The following TENM4 variants were observed in gnomAD, a reference collection of about 807,000 sequenced individuals.
TENM4 encodes the protein teneurin transmembrane protein 4.
A neutral mutation model predicts 243.3 loss-of-function variants in TENM4; 82 were observed. That is an observed-to-expected ratio of 0.34 (90% CI 0.28 to 0.40). The LOEUF is 0.40. Among genes scored for constraint, TENM4 ranks in the 10% least tolerant of loss-of-function variants. The pLI, the probability that TENM4 is intolerant of heterozygous loss-of-function variation, is 1.00. For missense variants in TENM4, 3,138 were observed against 3,673.3 expected (o/e 0.85, Z 3.77); for synonymous variants, 1,412 against 1,456.3 (o/e 0.97, Z 0.69).
chr11:78,725,967 A>T, intron 23 of TENM4, 112 bp downstream of exon 23: 1 of 1,413,512 alleles, frequency 7.1e-7, no homozygotes, highest in Non-Finnish European at 9.7e-7. Context: ...CTCTCTGACC[A>T]CATAGGAGCC....
At chr11:79,312,819 G>C (rs1856744010) in intron 1 of TENM4, among the ~76,000 whole-genome samples, 1 of 152,152 alleles carries the variant, frequency 6.6e-6, no homozygotes. Context: ...CCTGCCACTA[G>C]CATATTCTGA....
At chr11:79,249,122 G>A (rs1020400134) in intron 2 of TENM4, among the ~76,000 whole-genome samples, 2 of 152,134 alleles carry the variant, frequency 1.3e-5, no homozygotes, top group Non-Finnish European at 2.9e-5. Flanking sequence ...ATTTGTTTGA[G>A]TGCTTACAAT....
At chr11:78,852,149 G>A (rs910150128) in intron 12 of TENM4, among the ~76,000 whole-genome samples, 3 of 152,182 alleles carry the variant, frequency 2.0e-5, no homozygotes, top group African/African-American at 4.8e-5. Flanking sequence ...GGAGTCCAGC[G>A]GCTCAGACAG....
intron 2 of TENM4, among the ~76,000 whole-genome samples, chr11:79,280,093 T>C (rs1023403431): frequency 2.0e-5 from 3 of 152,370 alleles, no homozygotes; most frequent in Admixed American, 2.0e-4. Context: ...CAAACCTGTT[T>C]CATCTTGATC....
intron 6 of TENM4, among the ~76,000 whole-genome samples, chr11:78,930,802 T>C (rs1856650613): frequency 6.6e-6 from 1 of 152,206 alleles, no homozygotes; most frequent in African/African-American, 2.4e-5. Flanking sequence ...ATAAGAGCCC[T>C]TTCTTCTGAC....
chr11:79,069,901 C>T lies in TENM4; in HGVS notation c.44G>A (p.Arg15His), dbSNP rs765061654. ...GGTGTAGCGGCGCTCGGCGTCGCGG[C>T]GCCGGGTCAGCGAGCGGTAAGGCTT... The part of the protein sequence containing the change: ...ERKPYRSLTR[R>H]RDAERRYTSS... The change falls in exon 5 of 34, where the codon CGC becomes CAC. Residue 15 changes from arginine to histidine, a missense_variant. By Grantham distance (29) the Arg-to-His change is conservative (BLOSUM62 0). Coordinates refer to ENST00000278550, the MANE Select transcript of TENM4 (RefSeq NM_001098816.3). 1.0e-5 allele frequency: 16 copies of T among 1,548,012 alleles called. No individual in the cohort carries two copies. The Middle Eastern group carries it at 1.3e-3, about 124-fold the overall frequency.
chr11:78,831,202 T>C (rs533643298), intron 12 of TENM4, among the ~76,000 whole-genome samples: 9 of 152,338 alleles, frequency 5.9e-5, no homozygotes, highest in African/African-American at 2.2e-4. Context: ...CTTTCTTCTC[T>C]GGTTCACCCA....
At chr11:79,208,965 CA>C (rs1039489165) in intron 3 of TENM4, among the ~76,000 whole-genome samples, 1 of 152,220 alleles carries the variant, frequency 6.6e-6, no homozygotes, top group Non-Finnish European at 1.5e-5. Context: ...GCCTTGCAAA[CA>C]ACCCTCGGGC....
At chr11:79,054,497 A>T (rs920692551) in intron 6 of TENM4, among the ~76,000 whole-genome samples, 2 of 150,664 alleles carry the variant, frequency 1.3e-5, no homozygotes, top group Non-Finnish European at 3.0e-5. Flanking sequence ...TATTCCAGGT[A>T]CCATCTTTTT....
chr11:79,216,696 C>T (rs1282058984), intron 2 of TENM4, among the ~76,000 whole-genome samples: 3 of 152,194 alleles, frequency 2.0e-5, no homozygotes, highest in Non-Finnish European at 4.4e-5. Flanking sequence ...TTCACTTGCC[C>T]TTCCGCCTTT....
chr11:78,861,695 C>A (rs916767773), intron 10 of TENM4, among the ~76,000 whole-genome samples: 1 of 152,154 alleles, frequency 6.6e-6, no homozygotes, highest in Non-Finnish European at 1.5e-5. Context: ...ATACTCTGAC[C>A]AAGTATATGC....
chr11:78,897,132 C>T (rs947925176), intron 7 of TENM4, among the ~76,000 whole-genome samples: 3 of 152,072 alleles, frequency 2.0e-5, no homozygotes, highest in Non-Finnish European at 4.4e-5. Context: ...ATGAGCACCC[C>T]CAGTAAAAAC....
chr11:79,216,605 T>A (rs1206718818), intron 2 of TENM4, among the ~76,000 whole-genome samples: 1 of 152,196 alleles, frequency 6.6e-6, no homozygotes, highest in Non-Finnish European at 1.5e-5. Flanking sequence ...TAATGCATTC[T>A]CATAGCAGTG....
At chr11:78,708,253 T>C in intron 27 of TENM4, 108 bp downstream of exon 27, 1 of 1,447,218 alleles carries the variant, frequency 6.9e-7, no homozygotes, top group East Asian at 2.3e-5. Flanking sequence ...AAGTAGGTGC[T>C]CTTTAAAGGC....
intron 9 of TENM4, among the ~76,000 whole-genome samples, chr11:78,867,758 T>C (rs1320462610): frequency 6.6e-6 from 1 of 152,230 alleles, no homozygotes; most frequent in African/African-American, 2.4e-5. Flanking sequence ...GGAAGTAGAA[T>C]AGAAATAGAG....
chr11:79,087,659 C>T (rs1860840618), intron 4 of TENM4, among the ~76,000 whole-genome samples: 1 of 152,230 alleles, frequency 6.6e-6, no homozygotes, highest in Admixed American at 6.5e-5. Context: ...GCTCTGAGCT[C>T]TGCATTCTCC....
chr11:78,881,525 G>T (rs773360130), intron 9 of TENM4, among the ~76,000 whole-genome samples: 1 of 152,034 alleles, frequency 6.6e-6, no homozygotes, highest in Non-Finnish European at 1.5e-5. Flanking sequence ...CTTCCCCCTT[G>T]CCCCTTCATG....
intron 6 of TENM4, among the ~76,000 whole-genome samples, chr11:78,988,484 A>G (rs1021585038): frequency 2.0e-5 from 3 of 152,202 alleles, no homozygotes. Flanking sequence ...ACTAATGCAT[A>G]AGGCCTATTT....
At chr11:79,415,064 G>A (rs1210632221) in intron 1 of TENM4, among the ~76,000 whole-genome samples, 3 of 152,314 alleles carry the variant, frequency 2.0e-5, no homozygotes, top group Middle Eastern at 3.4e-3. Flanking sequence ...CCTGGACAAG[G>A]CACCTTTCTT....
Sources: gnomAD v4.1 joint callset for allele counts (sites outside exome capture counted in the v4.1 genomes callset) on GRCh38, gnomAD v4.1.1 for gene constraint, MANE v1.5 for transcripts, NCBI Gene and HGNC (gene_info 2026-07-23, HGNC 2026-07-21) for gene names.